Variants in VTI1A observed in about 807,000 individuals in gnomAD.
The protein encoded by VTI1A is vesicle transport through interaction with t-SNAREs 1A, also known as vesicle transport through interaction with t-SNAREs homolog 1A.
In VTI1A, 22 loss-of-function variants were observed where a neutral mutation model predicts 34.9. The ratio of observed to expected loss-of-function variants is 0.63; its 90% CI spans 0.45 to 0.90. The LOEUF (loss-of-function observed/expected upper bound fraction) is 0.90. Ranked by LOEUF, VTI1A falls within the 40% of genes least tolerant of loss-of-function variation. The probability of loss-of-function intolerance (pLI) is 0.00; values close to 1 mark genes in which losing one functional copy is unlikely to be tolerated. For missense variants in VTI1A, 268 were observed against 275.6 expected, an observed-to-expected ratio of 0.97 and a Z score of 0.20; for synonymous variants, 87 against 97.3, an observed-to-expected ratio of 0.89 and a Z score of 0.62.
Position 112,668,864 on chromosome 10 carries a change from A to C in VTI1A, c.499-73A>C. 4.8e-6 allele frequency: 7 copies of C among 1,461,188 alleles called. No individual in the cohort carries two copies. The South Asian group carries it at 8.3e-5, about 17-fold the overall frequency. 90.5% of individuals were successfully genotyped at this position (1,461,188 alleles called of 1,614,324 possible). On this transcript the variant is annotated intron_variant, in intron 6 of 7. Coordinates refer to ENST00000393077, the MANE Select transcript of VTI1A (RefSeq NM_145206.4). ...GTTTGGATTTTCTATCATGAAATAA[A>C]TTGTCGCTTGCCATGCACTTTAGAA...
At chr10:112,853,499 A>G in the VTI1A span, among the ~76,000 whole-genome samples, 3 of 152,176 alleles carry the variant, frequency 2.0e-5, no homozygotes, top group Non-Finnish European at 4.4e-5. Context: ...GTGTTTCACA[A>G]ATATTTCACC....
Position 112,717,196 on chromosome 10 carries a change from C to CATTTA in VTI1A, c.560+48198_560+48199insATTTA, listed in dbSNP as rs1849640149. 2.0e-5 allele frequency among the ~76,000 whole-genome samples: 3 copies of CATTTA among 152,200 alleles called. No homozygotes were observed. The South Asian group carries it at 6.2e-4, about 32-fold the overall frequency. ...CATGTTGATTTACAAGGCGTCTTTG[C>CATTTA]CCATTACATTTATTTACATGTCCAG... On this transcript the variant is annotated intron_variant, in intron 7 of 7. Transcript: ENST00000393077.
intron 5 of VTI1A, among the ~76,000 whole-genome samples, chr10:112,655,931 G>A (rs1424496813): frequency 6.6e-6 from 1 of 152,210 alleles, no homozygotes; most frequent in Non-Finnish European, 1.5e-5. Flanking sequence ...GTGCACACTA[G>A]CAAATGAGAA....
chr10:112,695,054 GC>G (rs1198017853), intron 7 of VTI1A, among the ~76,000 whole-genome samples: 4 of 152,122 alleles, frequency 2.6e-5, no homozygotes, highest in African/African-American at 9.7e-5. Context: ...TTTGTTGGAT[GC>G]CCTTTAAATT....
At chr10:112,837,334 A>G in the VTI1A span, among the ~76,000 whole-genome samples, 1 of 152,156 alleles carries the variant, frequency 6.6e-6, no homozygotes, top group Non-Finnish European at 1.5e-5. Flanking sequence ...CTCAAAAAAA[A>G]ATCCTGGGAG....
chr10:112,790,217 T>G (rs1282026453), intron 7 of VTI1A, among the ~76,000 whole-genome samples: 1 of 152,178 alleles, frequency 6.6e-6, no homozygotes, highest in Admixed American at 6.5e-5. Context: ...GGGCAGAGAT[T>G]GTATTCAAAA....
At chr10:112,553,555 T>C (rs1424325951) in intron 5 of VTI1A, among the ~76,000 whole-genome samples, 2 of 152,226 alleles carry the variant, frequency 1.3e-5, no homozygotes, top group Non-Finnish European at 2.9e-5. Context: ...CTCTTGAAAC[T>C]GTGTAATGCA....
chr10:112,622,139 T>TA (rs1845758558), intron 5 of VTI1A, among the ~76,000 whole-genome samples: 1 of 152,120 alleles, frequency 6.6e-6, no homozygotes, highest in African/African-American at 2.4e-5. Context: ...TAGAGAAACA[T>TA]AGAGTTATCC....
At chr10:112,624,805 G>C (rs1216062964) in intron 5 of VTI1A, among the ~76,000 whole-genome samples, 4 of 152,144 alleles carry the variant, frequency 2.6e-5, no homozygotes, top group Non-Finnish European at 5.9e-5. Context: ...ATTGTAATGG[G>C]TAGATTAAGG....
chr10:112,537,908 A>G (rs1850706478), intron 4 of VTI1A, among the ~76,000 whole-genome samples: 1 of 152,200 alleles, frequency 6.6e-6, no homozygotes, highest in Admixed American at 6.5e-5. Flanking sequence ...ACGTAGATCT[A>G]TGCAAGTATC....
chr10:112,702,217 T>C lies in VTI1A; in HGVS notation c.560+33219T>C, dbSNP rs558954174. Among the ~76,000 whole-genome samples, 12 of 152,294 alleles carry C rather than the reference T, an allele frequency of 7.9e-5. No individual in the cohort carries two copies. In the South Asian group the frequency reaches 2.5e-3, roughly 32 times the overall value. On this transcript the variant is annotated intron_variant, in intron 7 of 7. Transcript: ENST00000393077. ...AAGTTCCTTATTTATTGAGCAAGCC[T>C]TCCATTTTGGTGAAAGCTAAAGCCT... is the stretch of plus-strand genomic sequence containing the variant.
At position 112,471,367 on chromosome 10, in the gene VTI1A, A is replaced by ATTT. The variant is rs576549183; in HGVS notation, c.264+6729_264+6731dup. 2.1e-3 allele frequency among the ~76,000 whole-genome samples: 198 copies of ATTT among 94,364 alleles called. 1 individual carries two copies. Among genetic ancestry groups the ATTT allele is most frequent in the Non-Finnish European group, 2.5e-3 (119 of 47,362 alleles). 61.9% of individuals were successfully genotyped at this position (94,364 alleles called of 152,430 possible). A position where few individuals can be genotyped will look rare whatever the true frequency, so the allele number is the denominator to read the frequency against. ...CACTTACCTAATTTCATTCTTATTG[A>ATTT]TTTTTTTTTTTTTTTTTTTTTGCTT... On this transcript the variant is annotated intron_variant, in intron 3 of 7. Coordinates refer to ENST00000393077, the MANE Select transcript of VTI1A (RefSeq NM_145206.4).
chr10:112,543,310 C>T (rs1257117812), intron 5 of VTI1A, among the ~76,000 whole-genome samples: 1 of 152,120 alleles, frequency 6.6e-6, no homozygotes, highest in Non-Finnish European at 1.5e-5. Context: ...TAAAAGTGTT[C>T]CTATTTCTCC....
At chr10:112,826,081 T>C in the VTI1A span, 1 of 152,212 alleles carries the variant, frequency 6.6e-6, no homozygotes, top group Non-Finnish European at 1.5e-5. Context: ...ATTTTCGTTT[T>C]GTAGTGGGTC....
At chr10:112,574,981 G>A (rs1852277583) in intron 5 of VTI1A, among the ~76,000 whole-genome samples, 1 of 152,146 alleles carries the variant, frequency 6.6e-6, no homozygotes, top group Non-Finnish European at 1.5e-5. Context: ...CATTTTACCA[G>A]ATAAAATAAG....
intron 7 of VTI1A, among the ~76,000 whole-genome samples, chr10:112,756,219 G>A (rs944829619): frequency 2.6e-5 from 4 of 152,150 alleles, no homozygotes; most frequent in African/African-American, 7.2e-5. Context: ...AGGCACATAA[G>A]GAATGTGCAA....
chr10:112,652,726 C>CAAAAAAAA (rs779424975), intron 5 of VTI1A, among the ~76,000 whole-genome samples: 1 of 106,414 alleles, frequency 9.4e-6, no homozygotes, highest in African/African-American at 3.8e-5. Context: ...GACCTTGTCT[C>CAAAAAAAA]AAAAAAAAAA....
chr10:112,728,320 A>T (rs1850119377), intron 7 of VTI1A, among the ~76,000 whole-genome samples: 1 of 152,204 alleles, frequency 6.6e-6, no homozygotes, highest in South Asian at 2.1e-4. Flanking sequence ...CAAGAGTGAC[A>T]CCTGGTTTAT....
At chr10:112,734,513 C>CAG (rs1850384774) in intron 7 of VTI1A, among the ~76,000 whole-genome samples, 1 of 152,084 alleles carries the variant, frequency 6.6e-6, no homozygotes, top group Admixed American at 6.6e-5. Flanking sequence ...ATCATAATAC[C>CAG]TATCACAGCC....
Sources: gnomAD v4.1 joint callset for allele counts (sites outside exome capture counted in the v4.1 genomes callset) on GRCh38, gnomAD v4.1.1 for gene constraint, MANE v1.5 for transcripts, NCBI Gene and HGNC (gene_info 2026-07-23, HGNC 2026-07-21) for gene names.